KCNQ5: variants seen among roughly 807,000 people sequenced by gnomAD.
KCNQ5 encodes the protein potassium voltage-gated channel subfamily KQT member 5.
KCNQ5 carries 30 observed loss-of-function variants against 98.2 expected under a neutral mutation model. The observed-to-expected ratio is 0.31, with a 90% CI of 0.23 to 0.41. KCNQ5 has a LOEUF of 0.41. Among genes scored for constraint, KCNQ5 ranks in the 10% least tolerant of loss-of-function variants. The probability of loss-of-function intolerance (pLI) is 1.00; values close to 1 mark genes in which losing one functional copy is unlikely to be tolerated. For synonymous variants in KCNQ5, 458 were observed against 449.4 expected, an observed-to-expected ratio of 1.02 and a Z score of -0.24; for missense variants, 835 against 1,182.5, an observed-to-expected ratio of 0.71 and a Z score of 4.31.
chr6:72,741,724 G>C (rs1771138716), intron 1 of KCNQ5, among the ~76,000 whole-genome samples: 1 of 152,086 alleles, frequency 6.6e-6, no homozygotes. Context: ...TACCCCATTA[G>C]CTGATGTATG....
intron 1 of KCNQ5, among the ~76,000 whole-genome samples, chr6:72,938,333 T>C (rs1157933346): frequency 6.6e-6 from 1 of 152,190 alleles, no homozygotes; most frequent in East Asian, 1.9e-4. Flanking sequence ...GATGTGGTAC[T>C]AGTTGCACAA....
At chr6:72,667,716 A>G (rs916515956) in intron 1 of KCNQ5, among the ~76,000 whole-genome samples, 1 of 152,200 alleles carries the variant, frequency 6.6e-6, no homozygotes, top group Non-Finnish European at 1.5e-5. Context: ...ACAGTAATAA[A>G]ATATATCCAT....
intron 1 of KCNQ5, among the ~76,000 whole-genome samples, chr6:72,689,904 T>A (rs2154474182): frequency 6.6e-6 from 1 of 152,288 alleles, no homozygotes; most frequent in South Asian, 2.1e-4. Flanking sequence ...GTTATTTAGT[T>A]ATTTAAGAGT....
chr6:73,086,372 G>A (rs189900379), intron 5 of KCNQ5, among the ~76,000 whole-genome samples: 114 of 152,120 alleles, frequency 7.5e-4, no homozygotes, highest in Middle Eastern at 3.4e-3. Context: ...CTGTGGAAGC[G>A]CTGTCCTTTC....
intron 1 of KCNQ5, among the ~76,000 whole-genome samples, chr6:72,866,814 A>G (rs1778006377): frequency 6.6e-6 from 1 of 152,140 alleles, no homozygotes; most frequent in African/African-American, 2.4e-5. Flanking sequence ...GAACCTCATA[A>G]CCTCCGTCAT....
chr6:72,776,098 G>C (rs1773149091), intron 1 of KCNQ5, among the ~76,000 whole-genome samples: 1 of 152,150 alleles, frequency 6.6e-6, no homozygotes, highest in African/African-American at 2.4e-5. Flanking sequence ...TACTATCTTT[G>C]CAAGTTTTCT....
chr6:73,171,724 AG>A (rs1308340266), intron 11 of KCNQ5, among the ~76,000 whole-genome samples: 2 of 152,252 alleles, frequency 1.3e-5, no homozygotes, highest in Non-Finnish European at 2.9e-5. Context: ...TTACTGGTCT[AG>A]AAGTCACCTT....
chr6:73,042,163 T>C (rs1156838001), intron 3 of KCNQ5, 101 bp downstream of exon 3: 10 of 1,396,520 alleles, frequency 7.2e-6, no homozygotes, highest in South Asian at 1.2e-5. Context: ...CTAACATCCA[T>C]GGAGTACTTA....
intron 1 of KCNQ5, among the ~76,000 whole-genome samples, chr6:72,868,838 G>A (rs1463390576): frequency 2.6e-5 from 4 of 152,196 alleles, no homozygotes; most frequent in African/African-American, 9.6e-5. Context: ...TCAAGTACAA[G>A]AAACAAGGTT....
chr6:73,107,938 C>G (rs911879458), intron 6 of KCNQ5, among the ~76,000 whole-genome samples: 3 of 152,106 alleles, frequency 2.0e-5, no homozygotes, highest in Non-Finnish European at 4.4e-5. Flanking sequence ...ACAAGATTGC[C>G]AGAGATTTTA....
chr6:73,181,485 C>A (rs1261168772), intron 11 of KCNQ5, among the ~76,000 whole-genome samples: 1 of 152,236 alleles, frequency 6.6e-6, no homozygotes, highest in Non-Finnish European at 1.5e-5. Flanking sequence ...CACTTCAGCA[C>A]TCCCTTTCTC....
chr6:72,832,443 T>A (rs2995342), intron 1 of KCNQ5, among the ~76,000 whole-genome samples: 34,073 of 151,980 alleles, frequency 0.22, 4,660 homozygotes, highest in Non-Finnish European at 0.29. Context: ...CTGGCATCCC[T>A]GGGTAGAGGC....
At chr6:72,795,756 A>G (rs1774297605) in intron 1 of KCNQ5, among the ~76,000 whole-genome samples, 1 of 152,202 alleles carries the variant, frequency 6.6e-6, no homozygotes, top group Admixed American at 6.5e-5. Context: ...AAGTTTACAC[A>G]AAAATTGTTT....
intron 1 of KCNQ5, among the ~76,000 whole-genome samples, chr6:72,806,466 T>C (rs1399035564): frequency 6.6e-6 from 1 of 152,022 alleles, no homozygotes; most frequent in Admixed American, 6.6e-5. Flanking sequence ...GACATATTTC[T>C]TCAAAAAGAT....
At chr6:72,874,940 A>AT (rs1392242520) in intron 1 of KCNQ5, among the ~76,000 whole-genome samples, 4 of 152,078 alleles carry the variant, frequency 2.6e-5, no homozygotes, top group Non-Finnish European at 5.9e-5. Context: ...CATTGTACAC[A>AT]TTTTTTCCAA....
chr6:73,193,719 T>A (rs1012037637), intron 13 of KCNQ5, among the ~76,000 whole-genome samples: 14 of 151,910 alleles, frequency 9.2e-5, no homozygotes, highest in African/African-American at 3.4e-4. Flanking sequence ...ATCACCTAGA[T>A]TGATGCTTAA....
At chr6:72,806,251 A>G (rs1774950743) in intron 1 of KCNQ5, among the ~76,000 whole-genome samples, 1 of 152,160 alleles carries the variant, frequency 6.6e-6, no homozygotes, top group Admixed American at 6.6e-5. Context: ...ATAGAAGACA[A>G]TAGAGGCATC....
At chr6:73,051,480 C>T (rs1772231572) in intron 3 of KCNQ5, among the ~76,000 whole-genome samples, 1 of 152,130 alleles carries the variant, frequency 6.6e-6, no homozygotes, top group African/African-American at 2.4e-5. Context: ...GTATTGTGGC[C>T]AGAGGTGCAG....
chr6:73,082,735 C>A (rs1004423707), intron 5 of KCNQ5, among the ~76,000 whole-genome samples: 1 of 152,110 alleles, frequency 6.6e-6, no homozygotes, highest in African/African-American at 2.4e-5. Flanking sequence ...AACTTATTTC[C>A]TCTTCACTGA....
Sources: allele counts gnomAD v4.1 joint callset (sites outside exome capture counted in the v4.1 genomes callset), GRCh38; gene constraint gnomAD v4.1.1; transcripts MANE v1.5; gene names NCBI Gene and HGNC (gene_info 2026-07-23, HGNC 2026-07-21).